Variants in AGMO observed in about 807,000 individuals in gnomAD.
AGMO encodes the protein alkylglycerol monooxygenase.
Under a neutral mutation model 60.2 loss-of-function variants are expected in AGMO, and 75 were observed. That is an observed-to-expected ratio of 1.25 (90% CI 1.03 to 1.51). The LOEUF (loss-of-function observed/expected upper bound fraction) is 1.51, where lower values mean the gene tolerates loss of function less well. AGMO is among the 40% of genes most tolerant of loss of function. AGMO has a pLI of 0.00. For synonymous variants in AGMO, 261 were observed against 177.1 expected (o/e 1.47, Z -3.76); for missense variants, 763 against 525.5 (o/e 1.45, Z -4.42).
intron 12 of AGMO, among the ~76,000 whole-genome samples, chr7:15,216,098 T>C (rs772449793): frequency 2.6e-4 from 39 of 151,610 alleles, no homozygotes; most frequent in Admixed American, 3.3e-4. Context: ...TACACAAAGC[T>C]CTTCTTCTGG....
chr7:15,483,921 A>G (rs560744698), intron 3 of AGMO, among the ~76,000 whole-genome samples: 1 of 152,236 alleles, frequency 6.6e-6, no homozygotes, highest in African/African-American at 2.4e-5. Context: ...ATCCATACTT[A>G]TTAAAATGCC....
At chr7:15,121,487 T>C in the AGMO span, among the ~76,000 whole-genome samples, 9 of 152,188 alleles carry the variant, frequency 5.9e-5, no homozygotes, top group Admixed American at 5.9e-4. Flanking sequence ...GCATCTGTTG[T>C]TTCCAGACTT....
At chr7:15,216,833 AGTGTGTGTGTGTGT>A (rs1181410197) in intron 12 of AGMO, among the ~76,000 whole-genome samples, 4 of 147,024 alleles carry the variant, frequency 2.7e-5, no homozygotes, top group Non-Finnish European at 6.0e-5. Flanking sequence ...TGAAAGAAAA[AGTGTGTGTGTGTGT>A]GTGTGTGTGT....
intron 4 of AGMO, among the ~76,000 whole-genome samples, chr7:15,421,078 C>T (rs917037624): frequency 6.6e-6 from 1 of 152,090 alleles, no homozygotes; most frequent in Non-Finnish European, 1.5e-5. Context: ...GAGACAGTAT[C>T]ATGAAGCAAG....
chr7:15,258,031 T>C (rs986591106), intron 12 of AGMO, among the ~76,000 whole-genome samples: 7 of 152,134 alleles, frequency 4.6e-5, no homozygotes, highest in Admixed American at 6.6e-5. Flanking sequence ...TAAAAACACA[T>C]GATTCTCCAT....
At chr7:15,251,076 TTAATA>T (rs2128506427) in intron 12 of AGMO, among the ~76,000 whole-genome samples, 1 of 152,236 alleles carries the variant, frequency 6.6e-6, no homozygotes, top group Admixed American at 6.5e-5. Flanking sequence ...CTTAAATATA[TTAATA>T]TAATATTTGA....
chr7:15,124,744 A>G, the AGMO span, among the ~76,000 whole-genome samples: 1 of 152,084 alleles, frequency 6.6e-6, no homozygotes, highest in Non-Finnish European at 1.5e-5. Context: ...CAGGGATAAT[A>G]TCAATTAACC....
At chr7:15,315,904 T>C (rs1369730547) in intron 12 of AGMO, among the ~76,000 whole-genome samples, 4 of 152,158 alleles carry the variant, frequency 2.6e-5, no homozygotes, top group African/African-American at 9.7e-5. Flanking sequence ...ATCAATTTAG[T>C]AAATGTTAAT....
chr7:15,153,684 C>T, the AGMO span, among the ~76,000 whole-genome samples: 1 of 152,084 alleles, frequency 6.6e-6, no homozygotes, highest in Non-Finnish European at 1.5e-5. Context: ...GTTCTCTATT[C>T]TATTGGCATA....
At chr7:15,487,820 A>T (rs1782960893) in intron 3 of AGMO, among the ~76,000 whole-genome samples, 1 of 152,196 alleles carries the variant, frequency 6.6e-6, no homozygotes, top group Non-Finnish European at 1.5e-5. Context: ...AAGTATTTGG[A>T]AACATTTTAT....
chr7:15,518,918 T>A (rs1223460921), intron 3 of AGMO, among the ~76,000 whole-genome samples: 2 of 151,520 alleles, frequency 1.3e-5, no homozygotes, highest in Non-Finnish European at 2.9e-5. Context: ...CTAAGAATAT[T>A]GATAAAAAGT....
the AGMO span, among the ~76,000 whole-genome samples, chr7:15,180,139 T>C: frequency 6.6e-6 from 1 of 152,212 alleles, no homozygotes; most frequent in Non-Finnish European, 1.5e-5. Context: ...GTAATCTCTT[T>C]AGCAAAAGGC....
chr7:15,211,790 T>C (rs897841875), intron 12 of AGMO, among the ~76,000 whole-genome samples: 3 of 152,032 alleles, frequency 2.0e-5, no homozygotes, highest in African/African-American at 7.2e-5. Flanking sequence ...CAGGGGGATC[T>C]TGAGCAACAC....
chr7:15,441,082 CTCA>C (rs1781542381), intron 3 of AGMO, among the ~76,000 whole-genome samples: 1 of 152,132 alleles, frequency 6.6e-6, no homozygotes, highest in South Asian at 2.1e-4. Context: ...CTTTTCCTCC[CTCA>C]ACAGAATATG....
At position 15,365,902 on chromosome 7, in the gene AGMO, AAAGT is replaced by A. The variant is rs150507080; in HGVS notation, c.1157+234_1157+237del. On this transcript the variant is annotated intron_variant, in intron 11 of 12. Coordinates refer to ENST00000342526, the MANE Select transcript of AGMO (RefSeq NM_001004320.2). ...TTAGGCAACTAAATTTCTAGGGTTT[AAAGT>A]AAGTGAGACTCTTTTCACTGATTTA... 9.0e-3 allele frequency among the ~76,000 whole-genome samples: 1,363 copies of A among 152,134 alleles called. 17 individuals are homozygous for A. Among genetic ancestry groups the A allele is most frequent in the African/African-American group, 0.031 (1,276 of 41,550 alleles).
At chr7:15,270,381 T>C (rs1478832267) in intron 12 of AGMO, among the ~76,000 whole-genome samples, 2 of 151,998 alleles carry the variant, frequency 1.3e-5, no homozygotes, top group African/African-American at 4.8e-5. Flanking sequence ...ATCTATGATG[T>C]TGAGCATTTT....
chr7:15,523,600 C>A (rs1434447003), intron 3 of AGMO, among the ~76,000 whole-genome samples: 1 of 152,116 alleles, frequency 6.6e-6, no homozygotes, highest in Non-Finnish European at 1.5e-5. Flanking sequence ...CCAAACACTG[C>A]ATGTTCTCAT....
intron 12 of AGMO, among the ~76,000 whole-genome samples, chr7:15,203,690 C>T (rs752316651): frequency 5.9e-5 from 9 of 152,050 alleles, no homozygotes; most frequent in Non-Finnish European, 1.0e-4. Flanking sequence ...TCATGACAAA[C>T]TTTGGTGTAC....
Position 15,390,736 on chromosome 7 carries a change from C to G in AGMO, c.757G>C (p.Glu253Gln). The change falls in exon 8 of 13, where the codon GAA (glutamate) becomes CAA (glutamine). Residue 253 changes from glutamate (E) to glutamine (Q), a missense_variant. By Grantham distance (29) the Glu-to-Gln change is conservative. Transcript: ENST00000342526. Reference sequence around the variant, plus strand: ...AAGCCATATACAACTTTTTCATTTTCTGCTTCAAATGTCCCTGGAAGATAA... The same window carrying G: ...AAGCCATATACAACTTTTTCATTTTGTGCTTCAAATGTCCCTGGAAGATAA... ...WDKIFGTFEA[E>Q]NEKVVYGLTH... 2 of 1,610,320 alleles carry G rather than the reference C, an allele frequency of 1.2e-6. No individual in the cohort carries two copies. Among genetic ancestry groups the G allele is most frequent in the Non-Finnish European group, 1.7e-6 (2 of 1,177,494 alleles).
Sources: allele counts gnomAD v4.1 joint callset (sites outside exome capture counted in the v4.1 genomes callset), GRCh38; gene constraint gnomAD v4.1.1; transcripts MANE v1.5; gene names NCBI Gene and HGNC (gene_info 2026-07-23, HGNC 2026-07-21).